The following PTDSS2 variants were observed in gnomAD, a reference collection of about 807,000 sequenced individuals.
PTDSS2 encodes the protein PSS-2.
A neutral mutation model predicts 64.7 loss-of-function variants in PTDSS2; 41 were observed. That is an observed-to-expected ratio of 0.63 (90% CI 0.49 to 0.82). The LOEUF is 0.82. Among genes scored for constraint, PTDSS2 ranks in the 40% least tolerant of loss-of-function variants. The pLI is 0.00. For missense variants in PTDSS2, 485 were observed against 650.0 expected, an observed-to-expected ratio of 0.75 and a Z score of 2.76; for synonymous variants, 297 against 277.8, an observed-to-expected ratio of 1.07 and a Z score of -0.69.
At chr11:457,772 T>G (rs534476950) in intron 1 of PTDSS2, among the ~76,000 whole-genome samples, 2 of 152,296 alleles carry the variant, frequency 1.3e-5, no homozygotes, top group Admixed American at 6.5e-5. Flanking sequence ...ACTGGACCTG[T>G]GTTTTCATCT....
At chr11:453,819 A>G (rs948026784) in intron 1 of PTDSS2, among the ~76,000 whole-genome samples, 1 of 152,196 alleles carries the variant, frequency 6.6e-6, no homozygotes, top group African/African-American at 2.4e-5. Context: ...TGGACATGAG[A>G]GTGACCATCT....
intron 2 of PTDSS2, among the ~76,000 whole-genome samples, chr11:471,304 A>G (rs1286354295): frequency 6.6e-6 from 1 of 152,160 alleles, no homozygotes; most frequent in East Asian, 1.9e-4. Flanking sequence ...CATGTCGGCC[A>G]GGCTGGTCTC....
At chr11:483,647 A>G (rs2133825073) in intron 4 of PTDSS2, among the ~76,000 whole-genome samples, 1 of 152,326 alleles carries the variant, frequency 6.6e-6, no homozygotes, top group Admixed American at 6.5e-5. Context: ...CCAACCTTAC[A>G]TTCCTGGGAT....
chr11:479,225 G>A lies in PTDSS2; in HGVS notation c.435+73G>A. ...TGGCCCCAGGCATGGTGACAAAGGA[G>A]GCCTTGCCCACACAGCCCTCGAGTG... On this transcript the variant is annotated intron_variant, in intron 4 of 11. Transcript: ENST00000308020. The surrounding 1 kb of genome is among the most constrained non-coding windows in gnomAD (Gnocchi z 4.2). 1 of 1,288,368 alleles carries A rather than the reference G, an allele frequency of 7.8e-7. No individual in the cohort carries two copies. The highest frequency in any genetic ancestry group is 1.1e-6 in the Non-Finnish European group (1 of 883,020). The allele number at this position is 1,288,368 out of a possible 1,614,324, so 79.8% of individuals were successfully genotyped here. A position where few individuals can be genotyped will look rare whatever the true frequency, so the allele number is the denominator to read the frequency against.
chr11:475,562 T>C (rs1847765201), intron 3 of PTDSS2, among the ~76,000 whole-genome samples: 1 of 151,150 alleles, frequency 6.6e-6, no homozygotes, highest in African/African-American at 2.4e-5. Context: ...GTGTAGGACA[T>C]ATTCACGCGT....
intron 2 of PTDSS2, among the ~76,000 whole-genome samples, chr11:468,626 C>T (rs1394960530): frequency 1.3e-5 from 2 of 152,244 alleles, no homozygotes; most frequent in Non-Finnish European, 2.9e-5. Context: ...GGCACAGACG[C>T]TGCTCTAGTC....
At chr11:489,354 G>T in intron 8 of PTDSS2, 46 bp from the exon 9 acceptor site, 3 of 1,537,640 alleles carry the variant, frequency 2.0e-6, no homozygotes, top group Non-Finnish European at 2.7e-6. Context: ...ACAGGGCAGG[G>T]TTCGGTGGGC....
rs563896441 is a variant in PTDSS2 at position 476,790 on chromosome 11, A to G, written c.368-2295A>G. Among the ~76,000 whole-genome samples the G allele has an allele frequency of 1.3e-5, 2 of 152,204 alleles. No homozygotes were observed. The highest frequency in any genetic ancestry group is 1.3e-4 in the Admixed American group (2 of 15,286). ...AGGACTGGGGGTTCCTGGGGTGTTCAGTTTTTAGTCTGAGCTCTGCTCTAC... is the reference window on the plus strand; with the variant it reads ...AGGACTGGGGGTTCCTGGGGTGTTCGGTTTTTAGTCTGAGCTCTGCTCTAC... On this transcript the variant is annotated intron_variant, in intron 3 of 11. Transcript: ENST00000308020. The surrounding 1 kb of genome is among the most constrained non-coding windows in gnomAD (Gnocchi z 4.9).
rs765385246 is a variant in PTDSS2, at chr11:490,789, CGT to C, written c.*214_*215del. 162 of 605,826 alleles carry C rather than the reference CGT, an allele frequency of 2.7e-4. 1 individual carries two copies. The highest frequency in any genetic ancestry group is 4.0e-4 in the Non-Finnish European group (137 of 344,574). The allele number at this position is 605,826 out of a possible 1,614,324, so 37.5% of individuals were successfully genotyped here. A position where few individuals can be genotyped will look rare whatever the true frequency, so the allele number is the denominator to read the frequency against. ...GTGTACACGTGTGTACGTGTGTATGCGTGTGTGTACGCGTGTGTACGCGCGTG... is the reference window on the plus strand; with the variant it reads ...GTGTACACGTGTGTACGTGTGTATGCGTGTGTACGCGTGTGTACGCGCGTG... On this transcript the variant is annotated 3_prime_UTR_variant, in exon 12 of 12. Transcript: ENST00000308020.
intron 4 of PTDSS2, among the ~76,000 whole-genome samples, chr11:483,402 G>C (rs1267970676): frequency 6.6e-6 from 1 of 151,842 alleles, no homozygotes. Flanking sequence ...AGAAGGTTCT[G>C]TGAGTTTTTC....
At chr11:488,388 C>T in intron 7 of PTDSS2, 76 bp downstream of exon 7, 1 of 1,366,724 alleles carries the variant, frequency 7.3e-7, no homozygotes. Flanking sequence ...CCCAGCGCGG[C>T]CCCTGGACCC....
chr11:460,248 C>G lies in PTDSS2; in HGVS notation c.244C>G (p.Leu82Val). 6.2e-7 allele frequency: 1 copy of G among 1,614,200 alleles called. No homozygotes were observed. Among genetic ancestry groups the G allele is most frequent in the Non-Finnish European group, 8.5e-7 (1 of 1,180,028 alleles). ...CTGTACGCTTGGCTATGTGACGCTG[C>G]TGGAGGAAACACCTCAGGACACGGC... ...LTCTLGYVTL[L>V]EETPQDTAYN... The change falls in exon 2 of 12, where the codon CTG becomes GTG. Residue 82 changes from leucine to valine, a missense_variant. This residue lies in a region of PTDSS2 where 251 missense variants were observed against 348.0 expected (regional missense o/e 0.72). Coordinates refer to ENST00000308020, the MANE Select transcript of PTDSS2 (RefSeq NM_030783.3). The surrounding 1 kb of genome is among the most constrained non-coding windows in gnomAD (Gnocchi z 5.8).
chr11:459,825 T>C (rs61876292), intron 1 of PTDSS2: 2,639 of 232,080 alleles, frequency 0.011, 27 homozygotes, highest in Non-Finnish European at 0.017. Flanking sequence ...AGTTGTTGTC[T>C]CGGCTTGTCT....
intron 1 of PTDSS2, 89 bp downstream of exon 1, chr11:450,726 C>G (rs1163664439): frequency 1.8e-6 from 2 of 1,112,620 alleles, no homozygotes; most frequent in African/African-American, 3.2e-5. Context: ...CGGCAGCGCC[C>G]TCTCGCCGTC....
Position 461,525 on chromosome 11 carries a change from G to T in PTDSS2, c.284+1237G>T, listed in dbSNP as rs913233751. Among the ~76,000 whole-genome samples the T allele has an allele frequency of 6.6e-6, 1 of 152,108 alleles. No individual in the cohort carries two copies. The highest frequency in any genetic ancestry group is 6.5e-5 in the Admixed American group (1 of 15,274). On this transcript the variant is annotated intron_variant, in intron 2 of 11. Coordinates refer to ENST00000308020, the MANE Select transcript of PTDSS2 (RefSeq NM_030783.3). The surrounding 1 kb of genome is among the most constrained non-coding windows in gnomAD (Gnocchi z 4.2). ...CTCACCCTCCATCCTCACCTGGGAG[G>T]CGCAGGTGGCCTCTCCTGTCCTGGT... is the stretch of plus-strand genomic sequence containing the variant.
intron 8 of PTDSS2, 166 bp from the exon 9 acceptor site, chr11:489,234 C>G: frequency 4.8e-6 from 3 of 626,380 alleles, no homozygotes; most frequent in Non-Finnish European, 8.4e-6. Flanking sequence ...TAACCAGGAA[C>G]AGAGTCTGTG....
intron 4 of PTDSS2, 143 bp from the exon 5 acceptor site, chr11:486,796 C>G: frequency 2.8e-6 from 3 of 1,058,026 alleles, no homozygotes; most frequent in Non-Finnish European, 3.8e-6. Context: ...TGCAGTGAGC[C>G]CAGTTCACGC....
chr11:450,051 G>A (rs1846243206), upstream of PTDSS2, among the ~76,000 whole-genome samples: 1 of 152,214 alleles, frequency 6.6e-6, no homozygotes, highest in African/African-American at 2.4e-5. Context: ...GGGCGAAGGG[G>A]TGGAGGGACT....
rs77214937 is a variant in PTDSS2, at chr11:457,625, C to A, written c.183-2562C>A. Among the ~76,000 whole-genome samples the A allele has an allele frequency of 8.8e-4, 134 of 152,352 alleles. 1 individual carries two copies. Among genetic ancestry groups the A allele is most frequent in the African/African-American group, 3.1e-3 (130 of 41,586 alleles). On this transcript the variant is annotated intron_variant, in intron 1 of 11. Coordinates refer to ENST00000308020, the MANE Select transcript of PTDSS2 (RefSeq NM_030783.3). ...GCCATGCTCCGCTGGTCGGAGGGAC[C>A]ACAGTGTTTCCTCCACTGATAGAGT...
Sources: gnomAD v4.1 joint callset for allele counts (sites outside exome capture counted in the v4.1 genomes callset) on GRCh38, gnomAD v4.1.1 for gene constraint, gnomAD v4.1.1 regional missense constraint, Gnocchi (gnomAD v3.1) non-coding constraint, MANE v1.5 for transcripts, NCBI Gene and HGNC (gene_info 2026-07-23, HGNC 2026-07-21) for gene names.